The following ROBO2 variants were observed in gnomAD, a reference collection of about 807,000 sequenced individuals.
The protein encoded by ROBO2 is roundabout homolog 2.
Under a neutral mutation model 160.8 loss-of-function variants are expected in ROBO2, and 53 were observed. The observed-to-expected ratio is 0.33, with a 90% CI of 0.26 to 0.41. ROBO2 has a LOEUF of 0.41. Ranked by LOEUF, ROBO2 falls within the 10% of genes least tolerant of loss-of-function variation. The pLI is 1.00. For synonymous variants in ROBO2, 664 were observed against 611.7 expected (o/e 1.09, Z -1.26); for missense variants, 1,577 against 1,722.4 (o/e 0.92, Z 1.49).
chr3:76,337,896 C>T (rs968723254), intron 2 of ROBO2, among the ~76,000 whole-genome samples: 1 of 152,034 alleles, frequency 6.6e-6, no homozygotes, highest in African/African-American at 2.4e-5. Flanking sequence ...TTGGGCTCCA[C>T]CATAGGAGAT....
At chr3:76,425,787 C>T (rs574143486) in intron 2 of ROBO2, among the ~76,000 whole-genome samples, 1 of 151,834 alleles carries the variant, frequency 6.6e-6, no homozygotes, top group East Asian at 1.9e-4. Context: ...AAGTTTCCCT[C>T]ACGTGTTCTT....
intron 2 of ROBO2, among the ~76,000 whole-genome samples, chr3:75,965,661 T>C (rs1369276335): frequency 3.7e-5 from 1 of 26,926 alleles, no homozygotes; most frequent in Non-Finnish European, 1.2e-4. Flanking sequence ...ATTTTATATA[T>C]ATTGTATATT....
intron 23 of ROBO2, among the ~76,000 whole-genome samples, chr3:77,622,842 T>C (rs1383023805): frequency 6.6e-6 from 1 of 152,326 alleles, no homozygotes; most frequent in South Asian, 2.1e-4. Flanking sequence ...CATTCACTGA[T>C]GGAAAGTAAG....
chr3:76,879,015 T>A (rs1378549645), intron 2 of ROBO2, among the ~76,000 whole-genome samples: 2 of 152,164 alleles, frequency 1.3e-5, no homozygotes, highest in African/African-American at 4.8e-5. Flanking sequence ...AGGGAATGAT[T>A]TAATAATATT....
At chr3:75,967,620 G>A (rs1378217549) in intron 2 of ROBO2, among the ~76,000 whole-genome samples, 3 of 151,438 alleles carry the variant, frequency 2.0e-5, no homozygotes, top group Non-Finnish European at 4.4e-5. Context: ...ATGGCAAAAA[G>A]TACCCAAGTA....
At chr3:76,048,212 T>C (rs979948655) in intron 2 of ROBO2, among the ~76,000 whole-genome samples, 8 of 152,212 alleles carry the variant, frequency 5.3e-5, no homozygotes, top group African/African-American at 1.9e-4. Flanking sequence ...AATGGTTGCA[T>C]TCACATCTCT....
chr3:77,236,921 T>C lies in ROBO2; in HGVS notation c.388+138581T>C, dbSNP rs1234923024. On this transcript the variant is annotated intron_variant, in intron 2 of 25. Transcript: ENST00000461745. ...GCTTTGTTGCCTAGATTGCCTAGGC[T>C]GGAGTGCAGTGGTGCAGTCACAGCT... 3.3e-5 allele frequency among the ~76,000 whole-genome samples: 5 copies of C among 152,182 alleles called. No homozygotes were observed. The East Asian group carries it at 9.7e-4, about 29-fold the overall frequency.
chr3:77,629,947 A>G (rs2095122719), intron 23 of ROBO2: 1 of 152,230 alleles, frequency 6.6e-6, no homozygotes, highest in East Asian at 1.9e-4. Flanking sequence ...GAGAGGAAAC[A>G]CATGTGCAGT....
At chr3:76,959,734 A>T (rs2079518307) in intron 2 of ROBO2, among the ~76,000 whole-genome samples, 1 of 152,170 alleles carries the variant, frequency 6.6e-6, no homozygotes, top group Non-Finnish European at 1.5e-5. Flanking sequence ...GAAATCATAA[A>T]AAACCTTAAG....
chr3:76,790,684 T>A (rs567845526), intron 2 of ROBO2, among the ~76,000 whole-genome samples: 1 of 151,824 alleles, frequency 6.6e-6, no homozygotes, highest in East Asian at 1.9e-4. Flanking sequence ...AAACATATAT[T>A]ACTATTTTAA....
intron 2 of ROBO2, among the ~76,000 whole-genome samples, chr3:77,275,275 A>C (rs1455029995): frequency 6.6e-6 from 1 of 152,158 alleles, no homozygotes; most frequent in East Asian, 1.9e-4. Flanking sequence ...GATAAGGCAA[A>C]TTTTATAAAA....
At chr3:76,376,876 A>G (rs879521797) in intron 2 of ROBO2, among the ~76,000 whole-genome samples, 1 of 152,024 alleles carries the variant, frequency 6.6e-6, no homozygotes. Context: ...GGCTTTTGAA[A>G]CGGTTCCAGG....
intron 2 of ROBO2, among the ~76,000 whole-genome samples, chr3:76,859,479 C>G (rs1350936756): frequency 6.6e-6 from 1 of 152,174 alleles, no homozygotes; most frequent in Non-Finnish European, 1.5e-5. Context: ...TCTGATGATT[C>G]TAGCCTCTCC....
intron 2 of ROBO2, among the ~76,000 whole-genome samples, chr3:76,031,622 G>A (rs191836616): frequency 1.2e-4 from 18 of 152,006 alleles, no homozygotes; most frequent in South Asian, 6.2e-4. Context: ...TGAGATAATC[G>A]TGTGGTTTTT....
At chr3:76,553,651 G>T (rs2108387265) in intron 2 of ROBO2, among the ~76,000 whole-genome samples, 1 of 152,228 alleles carries the variant, frequency 6.6e-6, no homozygotes, top group East Asian at 1.9e-4. Context: ...AAATAAATCT[G>T]TGATCTTCAG....
chr3:77,072,107 C>T (rs930967803), intron 1 of ROBO2, among the ~76,000 whole-genome samples: 3 of 152,082 alleles, frequency 2.0e-5, no homozygotes, highest in African/African-American at 7.2e-5. Flanking sequence ...GCGTTAGATT[C>T]TCAAAGGAGC....
intron 2 of ROBO2, among the ~76,000 whole-genome samples, chr3:76,030,638 T>G (rs1170510376): frequency 1.3e-5 from 2 of 152,292 alleles, no homozygotes; most frequent in African/African-American, 2.4e-5. Flanking sequence ...TTTCCCCATT[T>G]CTTGTATTTG....
At chr3:76,148,943 G>A (rs758252885) in intron 2 of ROBO2, among the ~76,000 whole-genome samples, 2 of 151,992 alleles carry the variant, frequency 1.3e-5, no homozygotes, top group East Asian at 1.9e-4. Flanking sequence ...AATAAACCAT[G>A]TATATGCTAA....
intron 2 of ROBO2, among the ~76,000 whole-genome samples, chr3:77,228,919 G>A (rs2086821733): frequency 6.6e-6 from 1 of 152,126 alleles, no homozygotes. Context: ...CTTAGAAATA[G>A]TTGAACTACT....
Sources: allele counts gnomAD v4.1 joint callset (sites outside exome capture counted in the v4.1 genomes callset), GRCh38; gene constraint gnomAD v4.1.1; transcripts MANE v1.5; gene names NCBI Gene and HGNC (gene_info 2026-07-23, HGNC 2026-07-21).